Variants in CDYL2 observed in about 807,000 individuals in gnomAD.
The protein encoded by CDYL2 is chromodomain Y-like protein 2.
In CDYL2, 23 loss-of-function variants were observed where a neutral mutation model predicts 49.4. That is an observed-to-expected ratio of 0.47 (90% confidence interval 0.34 to 0.66). CDYL2 has a LOEUF of 0.66. Ranked by LOEUF, CDYL2 falls within the 30% of genes least tolerant of loss-of-function variation. The pLI is 0.01. For synonymous variants in CDYL2, 360 were observed against 268.8 expected, an observed-to-expected ratio of 1.34 and a Z score of -3.32; for missense variants, 678 against 656.4, an observed-to-expected ratio of 1.03 and a Z score of -0.36.
At chr16:80,607,311 T>G (rs1567537260) in intron 6 of CDYL2, among the ~76,000 whole-genome samples, 1 of 151,570 alleles carries the variant, frequency 6.6e-6, no homozygotes, top group Non-Finnish European at 1.5e-5. Context: ...GTGCCAACAG[T>G]CAGGGATGAG....
chr16:80,744,776 A>G (rs967880128), intron 1 of CDYL2, among the ~76,000 whole-genome samples: 11 of 152,124 alleles, frequency 7.2e-5, no homozygotes, highest in African/African-American at 2.4e-4. Flanking sequence ...CTTCCAGTTG[A>G]CAGAGGAACA....
intron 2 of CDYL2, among the ~76,000 whole-genome samples, chr16:80,677,842 G>A (rs576219386): frequency 0.015 from 2,205 of 151,834 alleles, 34 homozygotes; most frequent in African/African-American, 0.034. Flanking sequence ...GAGGCATCAC[G>A]CTACCTGACT....
intron 1 of CDYL2, among the ~76,000 whole-genome samples, chr16:80,758,339 T>C (rs1300569355): frequency 2.6e-5 from 4 of 151,544 alleles, no homozygotes; most frequent in Admixed American, 1.3e-4. Flanking sequence ...TAAACAAAAG[T>C]AATAACTACA....
intron 1 of CDYL2, among the ~76,000 whole-genome samples, chr16:80,750,724 A>G (rs1906102670): frequency 6.6e-6 from 1 of 152,214 alleles, no homozygotes; most frequent in African/African-American, 2.4e-5. Flanking sequence ...TGATTTTATT[A>G]ATAAACTATT....
At chr16:80,639,934 G>C (rs1182100626) in intron 2 of CDYL2, among the ~76,000 whole-genome samples, 1 of 152,212 alleles carries the variant, frequency 6.6e-6, no homozygotes, top group Non-Finnish European at 1.5e-5. Context: ...CCTAGCCAGA[G>C]GGGAATCACT....
chr16:80,761,297 A>T (rs572714976), intron 1 of CDYL2, among the ~76,000 whole-genome samples: 15 of 152,276 alleles, frequency 9.9e-5, no homozygotes, highest in East Asian at 3.9e-4. Context: ...ATCACTGAGG[A>T]CCTGTGTGAC....
At chr16:80,648,759 T>C (rs1238228926) in intron 2 of CDYL2, among the ~76,000 whole-genome samples, 1 of 150,522 alleles carries the variant, frequency 6.6e-6, no homozygotes, top group African/African-American at 2.4e-5. Flanking sequence ...CTCAACAAAA[T>C]ACTAGCAAAC....
intron 1 of CDYL2, among the ~76,000 whole-genome samples, chr16:80,716,928 C>G (rs1045714271): frequency 7.0e-6 from 1 of 143,760 alleles, no homozygotes; most frequent in Admixed American, 6.9e-5. Flanking sequence ...GATGGATAGA[C>G]AGATGAATGG....
At chr16:80,741,316 A>G (rs1207139206) in intron 1 of CDYL2, among the ~76,000 whole-genome samples, 3 of 151,930 alleles carry the variant, frequency 2.0e-5, no homozygotes, top group African/African-American at 7.2e-5. Context: ...ATTAACCAAC[A>G]TGAATCCAAT....
At chr16:80,696,118 C>A (rs530602978) in intron 1 of CDYL2, among the ~76,000 whole-genome samples, 3 of 152,020 alleles carry the variant, frequency 2.0e-5, no homozygotes. Context: ...TACAAATAAT[C>A]GAAATTAAGC....
intron 2 of CDYL2, among the ~76,000 whole-genome samples, chr16:80,648,669 C>T (rs916969868): frequency 1.3e-5 from 2 of 150,928 alleles, no homozygotes; most frequent in African/African-American, 4.9e-5. Flanking sequence ...TACTCTGATA[C>T]CAAAATCAGA....
intron 1 of CDYL2, among the ~76,000 whole-genome samples, chr16:80,712,013 GTGTGTATATATATGTGTGTATATAT>G (rs1177315996): frequency 1.4e-5 from 2 of 139,780 alleles, no homozygotes; most frequent in African/African-American, 5.1e-5. Flanking sequence ...GTGTATATAT[GTGTGTATATATATGTGTGTATATAT>G]ATGTGTGTAT....
chr16:80,648,713 T>G (rs913159089), intron 2 of CDYL2, among the ~76,000 whole-genome samples: 9 of 151,022 alleles, frequency 6.0e-5, no homozygotes, highest in Non-Finnish European at 1.2e-4. Context: ...AGAAAACTAC[T>G]GGCCAGCATC....
At chr16:80,732,668 ATAAC>A (rs1905371591) in intron 1 of CDYL2, among the ~76,000 whole-genome samples, 1 of 152,220 alleles carries the variant, frequency 6.6e-6, no homozygotes. Flanking sequence ...AATACCTGAA[ATAAC>A]TAAGTAGATT....
intron 1 of CDYL2, among the ~76,000 whole-genome samples, chr16:80,699,244 A>T (rs1268636637): frequency 4.6e-5 from 7 of 152,232 alleles, no homozygotes; most frequent in Admixed American, 4.6e-4. Flanking sequence ...TAGTCAAGAT[A>T]TAGAACCAAC....
intron 2 of CDYL2, among the ~76,000 whole-genome samples, chr16:80,673,913 G>A (rs1198021267): frequency 6.6e-6 from 1 of 152,208 alleles, no homozygotes; most frequent in Non-Finnish European, 1.5e-5. Context: ...GAGGATGGAT[G>A]CAAAGGTTAT....
chr16:80,671,038 CTATGGCATCCCTGACCCCAG>C, intron 2 of CDYL2: 1 of 455,648 alleles, frequency 2.2e-6, no homozygotes, highest in Non-Finnish European at 4.4e-6. Context: ...TGACTTTCCT[CTATGGCATCCCTGACCCCAG>C]TGGAGGCTTC....
At chr16:80,710,382 G>C (rs528092812) in intron 1 of CDYL2, among the ~76,000 whole-genome samples, 9 of 152,304 alleles carry the variant, frequency 5.9e-5, no homozygotes, top group African/African-American at 2.2e-4. Context: ...ACCAAGTTAT[G>C]TCCATATCTT....
At chr16:80,758,690 C>G (rs1239615630) in intron 1 of CDYL2, among the ~76,000 whole-genome samples, 2 of 151,666 alleles carry the variant, frequency 1.3e-5, no homozygotes, top group Non-Finnish European at 2.9e-5. Flanking sequence ...CTACAGGCAC[C>G]CGCCACCACA....
Sources: gnomAD v4.1 joint callset for allele counts (sites outside exome capture counted in the v4.1 genomes callset) on GRCh38, gnomAD v4.1.1 for gene constraint, MANE v1.5 for transcripts, NCBI Gene and HGNC (gene_info 2026-07-23, HGNC 2026-07-21) for gene names.